EZH2: variants seen among roughly 807,000 people sequenced by gnomAD.
EZH2 encodes the protein enhancer of zeste 2 polycomb repressive complex 2 subunit.
Under a neutral mutation model 98.4 loss-of-function variants are expected in EZH2, and 18 were observed. The observed-to-expected ratio is 0.18, with a 90% CI of 0.13 to 0.27. The LOEUF is 0.27. Ranked by LOEUF, EZH2 falls within the 10% of genes least tolerant of loss-of-function variation. The pLI is 1.00. For synonymous variants in EZH2, 338 were observed against 312.3 expected, an observed-to-expected ratio of 1.08 and a Z score of -0.87; for missense variants, 470 against 935.1, an observed-to-expected ratio of 0.50 and a Z score of 6.49.
At chr7:148,867,555 C>T (rs910032904) in intron 1 of EZH2, among the ~76,000 whole-genome samples, 5 of 152,136 alleles carry the variant, frequency 3.3e-5, no homozygotes, top group African/African-American at 1.2e-4. Context: ...ATAATTCCTA[C>T]AGTTACCTTC....
intron 1 of EZH2, among the ~76,000 whole-genome samples, chr7:148,849,912 T>C (rs549088716): frequency 6.6e-6 from 1 of 152,312 alleles, no homozygotes; most frequent in East Asian, 1.9e-4. Flanking sequence ...TCACCTCTAG[T>C]CCATCTGCTG....
chr7:148,808,940 AT>A (rs1199640819), intron 19 of EZH2, 130 bp downstream of exon 19: 8 of 664,618 alleles, frequency 1.2e-5, no homozygotes, highest in Admixed American at 2.7e-5. Context: ...GTGTAACCTA[AT>A]TCCCCACTAA....
intron 15 of EZH2, among the ~76,000 whole-genome samples, chr7:148,812,830 GA>G (rs1488214920): frequency 2.6e-5 from 4 of 151,998 alleles, no homozygotes; most frequent in Non-Finnish European, 4.4e-5. Context: ...ATGTCTAACA[GA>G]AAAGAAAAAA....
At chr7:148,877,338 C>T (rs1343354304) in intron 1 of EZH2, among the ~76,000 whole-genome samples, 1 of 152,084 alleles carries the variant, frequency 6.6e-6, no homozygotes, top group Non-Finnish European at 1.5e-5. Flanking sequence ...ATAGATAAAA[C>T]GTGTGGTACC....
intron 15 of EZH2, among the ~76,000 whole-genome samples, chr7:148,813,267 C>T (rs1803649376): frequency 6.6e-6 from 1 of 151,482 alleles, no homozygotes. Flanking sequence ...TTTTTACATG[C>T]TTAATAAATG....
At chr7:148,874,382 CG>C (rs2129493514) in intron 1 of EZH2, among the ~76,000 whole-genome samples, 1 of 151,876 alleles carries the variant, frequency 6.6e-6, no homozygotes, top group East Asian at 1.9e-4. Context: ...AGCAAAACCC[CG>C]TCTCAAATAA....
intron 16 of EZH2, 73 bp from the exon 17 acceptor site, chr7:148,810,487 A>G: frequency 2.9e-6 from 3 of 1,018,598 alleles, no homozygotes; most frequent in South Asian, 2.6e-5. Context: ...ACAAAAGCGC[A>G]CAGAGTGAAT....
intron 1 of EZH2, among the ~76,000 whole-genome samples, chr7:148,866,642 A>G (rs552683109): frequency 1.4e-5 from 2 of 146,932 alleles, no homozygotes; most frequent in Non-Finnish European, 3.0e-5. Flanking sequence ...ATATACATAT[A>G]CATATACGTA....
chr7:148,866,556 ATATATACATATATATACG>A (rs944828823), intron 1 of EZH2, among the ~76,000 whole-genome samples: 1 of 125,648 alleles, frequency 8.0e-6, no homozygotes, highest in Non-Finnish European at 1.7e-5. Flanking sequence ...ATATATATAC[ATATATACATATATATACG>A]TATATACATA....
chr7:148,807,430 G>A lies in EZH2; in HGVS notation c.*216C>T. On this transcript the variant is annotated 3_prime_UTR_variant, in exon 20 of 20. Transcript: ENST00000320356. ...TCAAAGTTGAAAAATGTACCATACTGCATTATTGCAAAAATTCACTGGTAC... is the reference window on the plus strand; with the variant it reads ...TCAAAGTTGAAAAATGTACCATACTACATTATTGCAAAAATTCACTGGTAC... 1 of 566,662 alleles carries A rather than the reference G, an allele frequency of 1.8e-6. No individual in the cohort carries two copies. The highest frequency in any genetic ancestry group is 3.1e-6 in the Non-Finnish European group (1 of 317,616). The allele number at this position is 566,662 out of a possible 1,614,324, so 35.1% of individuals were successfully genotyped here.
intron 1 of EZH2, among the ~76,000 whole-genome samples, chr7:148,868,929 T>C (rs888711459): frequency 1.6e-4 from 24 of 145,920 alleles, no homozygotes; most frequent in African/African-American, 5.9e-4. Context: ...ACTAGACAAA[T>C]GGTAAAAAAC....
At chr7:148,869,646 C>G (rs1819048086) in intron 1 of EZH2, among the ~76,000 whole-genome samples, 1 of 152,146 alleles carries the variant, frequency 6.6e-6, no homozygotes, top group South Asian at 2.1e-4. Flanking sequence ...CCATAAAAGC[C>G]CATTCTTCAA....
At chr7:148,848,494 T>G (rs942018803) in intron 1 of EZH2, among the ~76,000 whole-genome samples, 5 of 152,146 alleles carry the variant, frequency 3.3e-5, no homozygotes, top group Non-Finnish European at 5.9e-5. Context: ...CATAAAAACT[T>G]CATGCACAGA....
Position 148,809,072 on chromosome 7 carries a change from T to G in EZH2, c.2194A>C (p.Arg732=). The G allele has an allele frequency of 6.2e-7, 1 of 1,613,478 alleles. No homozygotes were observed. Among genetic ancestry groups the G allele is most frequent in the South Asian group, 1.1e-5 (1 of 91,066 alleles). ...QTGEELFFDY[R]YSQADALKYV... ...ATGCTAGAAATGTACTTTACCAACC[T>G]GTAATCAAAAAACAGCTCTTCGCCA... Residue 732 remains arginine, a splice_region_variant and synonymous_variant, in exon 19 of 20, where the codon AGA becomes CGA. Coordinates refer to ENST00000320356, the MANE Select transcript of EZH2 (RefSeq NM_004456.5).
chr7:148,871,577 CTTT>C (rs376098406), intron 1 of EZH2, among the ~76,000 whole-genome samples: 6 of 135,224 alleles, frequency 4.4e-5, no homozygotes, highest in Admixed American at 1.5e-4. Flanking sequence ...AGTGTATTTT[CTTT>C]TTTTTTTTTT....
chr7:148,863,298 C>A lies in EZH2; in HGVS notation c.-7-15993G>T, dbSNP rs141775505. On this transcript the variant is annotated intron_variant, in intron 1 of 19. Coordinates refer to ENST00000320356, the MANE Select transcript of EZH2 (RefSeq NM_004456.5). ...ATTTATAATGAAACATAGAAATCAC[C>A]ACTCTTGCAACTAGAAAAAGGCAAA... Among the ~76,000 whole-genome samples, 1,108 of 151,908 alleles carry A rather than the reference C, an allele frequency of 7.3e-3. 18 individuals are homozygous for A. The highest frequency in any genetic ancestry group is 0.026 in the African/African-American group (1,058 of 41,434).
At chr7:148,836,044 A>G (rs1357460426) in intron 3 of EZH2, among the ~76,000 whole-genome samples, 1 of 152,206 alleles carries the variant, frequency 6.6e-6, no homozygotes, top group African/African-American at 2.4e-5. Context: ...CTCAGTTCTG[A>G]GTCATGCGAG....
At chr7:148,873,491 C>CAAAAAAA (rs1162280467) in intron 1 of EZH2, among the ~76,000 whole-genome samples, 667 of 58,432 alleles carry the variant, frequency 0.011, 22 homozygotes, top group African/African-American at 0.033. Flanking sequence ...GACTCTGTCT[C>CAAAAAAA]AAAAAAAAAA....
intron 3 of EZH2, among the ~76,000 whole-genome samples, chr7:148,842,739 CAA>C (rs376533541): frequency 6.8e-6 from 1 of 146,050 alleles, no homozygotes; most frequent in East Asian, 2.0e-4. Flanking sequence ...ATCTCAAAAA[CAA>C]AAAAAAAAGA....
Sources: allele counts gnomAD v4.1 joint callset (sites outside exome capture counted in the v4.1 genomes callset), GRCh38; gene constraint gnomAD v4.1.1; transcripts MANE v1.5; gene names NCBI Gene and HGNC (gene_info 2026-07-23, HGNC 2026-07-21).